The following ITIH6 variants were observed in gnomAD, a reference collection of about 807,000 sequenced individuals.
ITIH6 encodes inter-alpha-trypsin inhibitor heavy chain H6.
A neutral mutation model predicts 58.2 loss-of-function variants in ITIH6; 60 were observed. That is an observed-to-expected ratio of 1.03 (90% CI 0.84 to 1.28). The LOEUF is 1.28. Ranked by LOEUF, ITIH6 falls within the 50% of genes most tolerant of loss-of-function variation. The probability of loss-of-function intolerance (pLI) is 0.00; values close to 1 mark genes in which losing one functional copy is unlikely to be tolerated. For missense variants in ITIH6, 1,290 were observed against 1,021.1 expected, an observed-to-expected ratio of 1.26 and a Z score of -3.59; for synonymous variants, 493 against 417.4, an observed-to-expected ratio of 1.18 and a Z score of -2.21.
intron 6 of ITIH6, among the ~76,000 whole-genome samples, chrX:54,762,144 A>G (rs1326536909): frequency 6.3e-5 from 7 of 111,492 alleles, no homozygotes; most frequent in South Asian, 3.8e-4. Context: ...TCCTTGAAGA[A>G]GTCCTTCACA....
intron 11 of ITIH6, 98 bp downstream of exon 11, chrX:54,753,553 T>A: frequency 1.8e-6 from 1 of 557,902 alleles, no homozygotes; most frequent in Non-Finnish European, 3.1e-6. Flanking sequence ...TGAGGTGCAT[T>A]GCTATGTGTC....
chrX:54,757,329 G>T lies in ITIH6; in HGVS notation c.2745C>A (p.Ser915Arg). The change falls in exon 8 of 13, where the codon AGC becomes AGA. Residue 915 changes from serine (S) to arginine (R), a missense_variant. Transcript: ENST00000218436. ...CAAGGACAGAGGTGGTTGTGGTACT[G>T]CTGGGACCTGTGGAACTTGAGATTG... is the stretch of plus-strand genomic sequence containing the variant. The part of the protein sequence containing the change: ...PNTISSSTGP[S>R]STTTTSVLGE... The T allele has an allele frequency of 2.5e-6, 3 of 1,201,625 alleles. No homozygotes were observed. The highest frequency in any genetic ancestry group is 3.4e-6 in the Non-Finnish European group (3 of 889,943).
intron 6 of ITIH6, among the ~76,000 whole-genome samples, chrX:54,767,187 G>A (rs1257033940): frequency 1.9e-5 from 2 of 105,876 alleles, no homozygotes; most frequent in African/African-American, 7.2e-5. Flanking sequence ...AGAGGTGTTT[G>A]TAGTATTCTC....
At chrX:54,783,265 C>G (rs1295250914) in intron 5 of ITIH6, among the ~76,000 whole-genome samples, 1 of 112,137 alleles carries the variant, frequency 8.9e-6, no homozygotes, top group Non-Finnish European at 1.9e-5. Flanking sequence ...AGCCTTTCCC[C>G]TAAGGACTGG....
Position 54,749,977 on chromosome X carries a change from G to T in ITIH6, c.3860C>A (p.Pro1287His). ...RLLKDSPRLL[P>H]RWASCWLVKR... ...CACCAGCCAGCAGGAAGCCCAGCGG[G>T]GCAGCAGCCTTGGTGAGTCCTTCAG... The change falls in exon 13 of 13, where the codon CCC becomes CAC. Residue 1287 changes from proline to histidine, a missense_variant. Transcript: ENST00000218436. The T allele has an allele frequency of 8.3e-7, 1 of 1,211,689 alleles. No individual in the cohort carries two copies. The highest frequency in any genetic ancestry group is 2.2e-5 in the Admixed American group (1 of 46,045).
At chrX:54,764,730 G>C (rs1928732107) in intron 6 of ITIH6, among the ~76,000 whole-genome samples, 1 of 89,908 alleles carries the variant, frequency 1.1e-5, no homozygotes, top group African/African-American at 4.1e-5. Context: ...ACGTGTGCAT[G>C]TGTCTTTATA....
At chrX:54,779,956 C>T (rs1381439282) in intron 5 of ITIH6, among the ~76,000 whole-genome samples, 2 of 110,990 alleles carry the variant, frequency 1.8e-5, no homozygotes, top group African/African-American at 3.3e-5. Flanking sequence ...ATAAAGGGGT[C>T]GATTTAGCAA....
chrX:54,762,861 A>T (rs1445875218), intron 6 of ITIH6, among the ~76,000 whole-genome samples: 1 of 112,194 alleles, frequency 8.9e-6, no homozygotes, highest in African/African-American at 3.2e-5. Context: ...ATCTACTATT[A>T]GGTATCATTT....
rs941841853 is a variant in ITIH6 at position 54,758,441 on chromosome X, C to A, written c.1633G>T (p.Ala545Ser). 2.5e-6 allele frequency: 3 copies of A among 1,209,837 alleles called. No individual in the cohort carries two copies. Among genetic ancestry groups the A allele is most frequent in the Non-Finnish European group, 3.4e-6 (3 of 894,547 alleles). ...SEGATNNSQK[A>S]FGCPGEPAPN... is the part of the protein sequence containing the mutation. ...GCTGGCTCCCCTGGGCAACCAAAGG[C>A]CTTCTGGCTGTTGTTGGTGGCCCCT... Residue 545 changes from alanine (A) to serine (S), a missense_variant, in exon 8 of 13, where the codon GCC becomes TCC. Physicochemically the swap from Ala to Ser is moderately conservative, Grantham distance 99 (BLOSUM62 1). Transcript: ENST00000218436.
At chrX:54,786,984 G>A (rs1336668897) in intron 5 of ITIH6, among the ~76,000 whole-genome samples, 4 of 111,388 alleles carry the variant, frequency 3.6e-5, no homozygotes, top group South Asian at 3.8e-4. Flanking sequence ...TGTTCCTGGC[G>A]GGGTGTCAGG....
chrX:54,754,942 A>T (rs1413796225), intron 9 of ITIH6, 75 bp downstream of exon 9: 2 of 807,967 alleles, frequency 2.5e-6, no homozygotes, highest in Non-Finnish European at 3.7e-6. Context: ...CTGGTCTCCC[A>T]CAATGTCAAT....
chrX:54,781,458 C>T (rs763697455), intron 5 of ITIH6, among the ~76,000 whole-genome samples: 106 of 112,161 alleles, frequency 9.5e-4, no homozygotes, highest in African/African-American at 3.1e-3. Flanking sequence ...GACATACATG[C>T]GGCTAACAAC....
intron 5 of ITIH6, among the ~76,000 whole-genome samples, chrX:54,776,493 C>G (rs778663886): frequency 1.5e-4 from 16 of 109,857 alleles, no homozygotes; most frequent in Non-Finnish European, 2.8e-4. Flanking sequence ...ATCACCCCTC[C>G]TCTAACCCCA....
rs372233611 is a variant in ITIH6 at position 54,770,291 on chromosome X, T to G, written c.903+3790A>C. Among the ~76,000 whole-genome samples, 405 of 112,551 alleles carry G rather than the reference T, an allele frequency of 3.6e-3. 2 individuals carry two copies. Among genetic ancestry groups the G allele is most frequent in the African/African-American group, 0.012 (377 of 31,064 alleles). On this transcript the variant is annotated intron_variant, in intron 6 of 12. Transcript: ENST00000218436. ...GCGCCCACTGTCTGGCACTCCCTAG[T>G]GAGATGAACCCGGTACCTCAGATGG...
chrX:54,788,763 T>A, intron 4 of ITIH6, 114 bp from the exon 5 acceptor site: 2 of 574,544 alleles, frequency 3.5e-6, no homozygotes, highest in Non-Finnish European at 2.8e-6. Flanking sequence ...AGTCTAACTC[T>A]TCCCCAAACC....
chrX:54,781,898 A>G (rs1449865015), intron 5 of ITIH6, among the ~76,000 whole-genome samples: 1 of 112,206 alleles, frequency 8.9e-6, no homozygotes, highest in African/African-American at 3.2e-5. Context: ...ATAGTATGCA[A>G]CCATTCAAAA....
intron 6 of ITIH6, among the ~76,000 whole-genome samples, chrX:54,765,594 CTTT>C (rs1178444249): frequency 6.3e-5 from 5 of 79,209 alleles, no homozygotes; most frequent in African/African-American, 2.2e-4. Flanking sequence ...TATTTCTTTT[CTTT>C]TTTTTTTTTT....
intron 4 of ITIH6, 91 bp from the exon 5 acceptor site, chrX:54,788,740 G>T: frequency 1.4e-6 from 1 of 735,699 alleles, no homozygotes; most frequent in Non-Finnish European, 2.0e-6. Flanking sequence ...GGTGCTATCT[G>T]GGGAGGGTGA....
At chrX:54,772,422 A>G (rs1028337612) in intron 6 of ITIH6, among the ~76,000 whole-genome samples, 1 of 112,299 alleles carries the variant, frequency 8.9e-6, no homozygotes. Context: ...TGGGTGACAA[A>G]ATAATCTGTA....
Sources: gnomAD v4.1 joint callset for allele counts (sites outside exome capture counted in the v4.1 genomes callset) on GRCh38, gnomAD v4.1.1 for gene constraint, MANE v1.5 for transcripts, NCBI Gene and HGNC (gene_info 2026-07-23, HGNC 2026-07-21) for gene names.